Variants in ZNF804B observed in about 807,000 individuals in gnomAD.
ZNF804B encodes the protein zinc finger 804B.
Under a neutral mutation model 101.4 loss-of-function variants are expected in ZNF804B, and 80 were observed. The ratio of observed to expected loss-of-function variants is 0.79; its 90% CI spans 0.66 to 0.95. ZNF804B has a LOEUF of 0.95. ZNF804B is among the 40% of genes least tolerant of loss of function. The pLI is 0.00. For missense variants in ZNF804B, 1,673 were observed against 1,561.9 expected (o/e 1.07, Z -1.20); for synonymous variants, 622 against 558.8 (o/e 1.11, Z -1.59).
At chr7:89,224,092 A>G (rs1478080973) in intron 2 of ZNF804B, among the ~76,000 whole-genome samples, 2 of 152,042 alleles carry the variant, frequency 1.3e-5, no homozygotes, top group Non-Finnish European at 2.9e-5. Flanking sequence ...CACATGCAGC[A>G]GAACTCTCTC....
At chr7:89,187,795 A>T (rs1426633040) in intron 1 of ZNF804B, among the ~76,000 whole-genome samples, 1 of 152,162 alleles carries the variant, frequency 6.6e-6, no homozygotes. Context: ...TTTGACATGT[A>T]AGGATCTTGT....
chr7:89,205,963 C>T (rs1038638170), intron 1 of ZNF804B, among the ~76,000 whole-genome samples: 1 of 152,254 alleles, frequency 6.6e-6, no homozygotes, highest in East Asian at 1.9e-4. Flanking sequence ...CATACATCCT[C>T]TGAAATCTAG....
At chr7:88,792,860 T>G (rs755784861) in intron 1 of ZNF804B, among the ~76,000 whole-genome samples, 17 of 151,954 alleles carry the variant, frequency 1.1e-4, no homozygotes, top group Non-Finnish European at 2.1e-4. Context: ...ATTTGGAAAA[T>G]AGAATGGTCT....
chr7:89,232,182 A>G (rs1789202946), intron 2 of ZNF804B, among the ~76,000 whole-genome samples: 1 of 152,118 alleles, frequency 6.6e-6, no homozygotes, highest in Non-Finnish European at 1.5e-5. Context: ...ATCTACTGAG[A>G]TGAATGCGTG....
intron 2 of ZNF804B, among the ~76,000 whole-genome samples, chr7:89,321,164 G>A (rs1440649180): frequency 6.7e-6 from 1 of 149,182 alleles, no homozygotes; most frequent in South Asian, 2.1e-4. Flanking sequence ...TCATATTATA[G>A]AATTTTAACA....
intron 1 of ZNF804B, among the ~76,000 whole-genome samples, chr7:89,206,766 A>T (rs1474294137): frequency 6.6e-6 from 1 of 152,142 alleles, no homozygotes; most frequent in East Asian, 1.9e-4. Flanking sequence ...AAACAAAACA[A>T]AAAACAAACA....
intron 2 of ZNF804B, among the ~76,000 whole-genome samples, chr7:89,248,799 A>G (rs987414873): frequency 1.3e-5 from 2 of 152,160 alleles, no homozygotes; most frequent in Admixed American, 6.6e-5. Context: ...TTAATCTTGA[A>G]TGTAGGCTAA....
chr7:89,070,618 TG>T (rs1194971817), intron 1 of ZNF804B, among the ~76,000 whole-genome samples: 1 of 152,116 alleles, frequency 6.6e-6, no homozygotes, highest in Non-Finnish European at 1.5e-5. Context: ...TCTATGTCCT[TG>T]TTTTGTTGTG....
At chr7:89,320,689 A>G (rs1445957357) in intron 2 of ZNF804B, among the ~76,000 whole-genome samples, 1 of 152,142 alleles carries the variant, frequency 6.6e-6, no homozygotes, top group Non-Finnish European at 1.5e-5. Flanking sequence ...CCCTAAAAGG[A>G]CAGATATAAT....
intron 1 of ZNF804B, among the ~76,000 whole-genome samples, chr7:88,945,293 A>G (rs974877521): frequency 2.6e-5 from 4 of 152,058 alleles, no homozygotes; most frequent in South Asian, 2.1e-4. Flanking sequence ...GTCCAGTTTC[A>G]GTTTTCTGTA....
chr7:88,916,026 G>A (rs907134479), intron 1 of ZNF804B, among the ~76,000 whole-genome samples: 3 of 151,816 alleles, frequency 2.0e-5, no homozygotes, highest in African/African-American at 7.2e-5. Flanking sequence ...AATTTTTCCT[G>A]TAAAGAAAGC....
In ZNF804B at chr7:89,116,050, A is replaced by G. The variant is rs561210374; in HGVS notation, c.109-102105A>G. On this transcript the variant is annotated intron_variant, in intron 1 of 3. Coordinates refer to ENST00000333190, the MANE Select transcript of ZNF804B (RefSeq NM_181646.5). ...CTCCTGAGTAGCTGGGACTACAGGC[A>G]CATGCCACCATGCCCAGTTATTATT... Among the ~76,000 whole-genome samples, 10 of 150,122 alleles carry G rather than the reference A, an allele frequency of 6.7e-5. No individual in the cohort carries two copies. The South Asian group carries it at 2.1e-3, about 32-fold the overall frequency.
chr7:88,824,328 G>T (rs1409653589), intron 1 of ZNF804B, among the ~76,000 whole-genome samples: 2 of 152,080 alleles, frequency 1.3e-5, no homozygotes. Flanking sequence ...TTGTGTTGTT[G>T]ATGGTTACAT....
chr7:89,053,534 G>A (rs1237173801), intron 1 of ZNF804B, among the ~76,000 whole-genome samples: 2 of 151,884 alleles, frequency 1.3e-5, no homozygotes, highest in Admixed American at 1.3e-4. Context: ...TTTGCAGCAG[G>A]GATCAAGGAA....
chr7:89,148,855 C>T (rs892276782), intron 1 of ZNF804B, among the ~76,000 whole-genome samples: 1 of 151,930 alleles, frequency 6.6e-6, no homozygotes, highest in Non-Finnish European at 1.5e-5. Flanking sequence ...TGATGAATAT[C>T]CTTGTTCTAA....
intron 1 of ZNF804B, among the ~76,000 whole-genome samples, chr7:89,136,764 T>C (rs6974917): frequency 0.44 from 64,263 of 146,370 alleles, 14,749 homozygotes; most frequent in East Asian, 0.61. Flanking sequence ...TGTGTGTGTG[T>C]GCGCGCACGT....
intron 1 of ZNF804B, among the ~76,000 whole-genome samples, chr7:89,175,970 G>T (rs1010145673): frequency 2.6e-5 from 4 of 151,858 alleles, no homozygotes; most frequent in African/African-American, 9.7e-5. Flanking sequence ...AGATTACTTA[G>T]ATTTTTCCCA....
chr7:88,926,937 G>GGC (rs1213518761), intron 1 of ZNF804B, among the ~76,000 whole-genome samples: 1 of 113,126 alleles, frequency 8.8e-6, no homozygotes, highest in African/African-American at 4.6e-5. Flanking sequence ...GCCGGGTGGT[G>GGC]GGGAGCGGGG....
intron 1 of ZNF804B, among the ~76,000 whole-genome samples, chr7:89,147,809 G>A (rs1449733482): frequency 1.3e-5 from 2 of 151,556 alleles, no homozygotes; most frequent in Non-Finnish European, 2.9e-5. Flanking sequence ...AGAATCTAAT[G>A]TCTGATGATC....
Sources: gnomAD v4.1 joint callset for allele counts (sites outside exome capture counted in the v4.1 genomes callset) on GRCh38, gnomAD v4.1.1 for gene constraint, MANE v1.5 for transcripts, NCBI Gene and HGNC (gene_info 2026-07-23, HGNC 2026-07-21) for gene names.